DUS2: variants seen among roughly 807,000 people sequenced by gnomAD.
The protein encoded by DUS2 is dihydrouridine synthase 2, also known as tRNA-dihydrouridine(20) synthase [NAD(P)+]-like.
Under a neutral mutation model 71.3 loss-of-function variants are expected in DUS2, and 52 were observed. That is an observed-to-expected ratio of 0.73 (90% CI 0.58 to 0.92). DUS2 has a LOEUF of 0.92. DUS2 is among the 40% of genes least tolerant of loss of function. The pLI is 0.00. For synonymous variants in DUS2, 204 were observed against 227.8 expected (o/e 0.90, Z 0.94); for missense variants, 558 against 622.6 (o/e 0.90, Z 1.10).
chr16:68,047,079 TG>T (rs2033714181), intron 3 of DUS2, among the ~76,000 whole-genome samples: 1 of 106,302 alleles, frequency 9.4e-6, no homozygotes, highest in African/African-American at 3.9e-5. Flanking sequence ...TTTTTTGAGA[TG>T]GAGTCTTACT....
intron 13 of DUS2, 123 bp from the exon 14 acceptor site, chr16:68,075,231 GC>G: frequency 1.1e-6 from 1 of 895,286 alleles, no homozygotes. Flanking sequence ...TGATGGCCAG[GC>G]CCCGGTGGTG....
At chr16:68,070,521 C>G (rs1385129167) in intron 11 of DUS2, among the ~76,000 whole-genome samples, 1 of 152,076 alleles carries the variant, frequency 6.6e-6, no homozygotes, top group Admixed American at 6.5e-5. Flanking sequence ...CTCCTTCCTT[C>G]CTCTTGTCAT....
intron 3 of DUS2, among the ~76,000 whole-genome samples, chr16:68,043,132 G>T (rs930440290): frequency 6.6e-6 from 1 of 152,028 alleles, no homozygotes; most frequent in African/African-American, 2.4e-5. Context: ...GGATTGGCTG[G>T]GCGTGATGGC....
Position 68,073,449 on chromosome 16 carries a change from C to CTTTTT in DUS2, c.811-572_811-568dup, listed in dbSNP as rs1213508148. Among the ~76,000 whole-genome samples, 5 of 111,820 alleles carry CTTTTT rather than the reference C, an allele frequency of 4.5e-5. No homozygotes were observed. In the South Asian group the frequency reaches 1.2e-3, roughly 26 times the overall value. 73.4% of individuals were successfully genotyped at this position (111,820 alleles called of 152,430 possible). A position where few individuals can be genotyped will look rare whatever the true frequency, so the allele number is the denominator to read the frequency against. On this transcript the variant is annotated intron_variant, in intron 12 of 16. Transcript: ENST00000565263. ...AACATGCCTGGCTAATTTTCTTTTT[C>CTTTTT]TTTTTTTTTTTTTTTTTGAGACAGA...
At chr16:68,037,167 GTT>G (rs746737842) in intron 2 of DUS2, among the ~76,000 whole-genome samples, 2 of 136,246 alleles carry the variant, frequency 1.5e-5, no homozygotes, top group East Asian at 2.1e-4. Flanking sequence ...ATTTTTGTCT[GTT>G]TTTTTTTTTT....
rs916767988 is a variant in DUS2, at chr16:68,025,605, C to T, written c.-19+111C>T. ...GCTTGAGTCCTTACAATATGATTAC[C>T]TCAAAATTTCACAGGAGTTAGAGCT... On this transcript the variant is annotated intron_variant, in intron 2 of 16. Transcript: ENST00000565263. The T allele has an allele frequency of 2.6e-5, 4 of 152,102 alleles. No individual in the cohort carries two copies. In the East Asian group the frequency reaches 5.8e-4, roughly 22 times the overall value. The allele number at this position is 152,102 out of a possible 1,614,324, so 9.4% of individuals were successfully genotyped here.
chr16:68,057,597 A>AT (rs1200017759), intron 7 of DUS2, among the ~76,000 whole-genome samples: 1 of 151,762 alleles, frequency 6.6e-6, no homozygotes, highest in Non-Finnish European at 1.5e-5. Flanking sequence ...TAAAAAAAAA[A>AT]GGCCAGGCCT....
chr16:68,031,952 C>A (rs569730852), intron 2 of DUS2, among the ~76,000 whole-genome samples: 34 of 152,314 alleles, frequency 2.2e-4, no homozygotes, highest in African/African-American at 8.2e-4. Flanking sequence ...GCCTTGGCCT[C>A]CCAAAGTGCT....
At chr16:68,030,673 A>G (rs1327973029) in intron 2 of DUS2, among the ~76,000 whole-genome samples, 1 of 152,154 alleles carries the variant, frequency 6.6e-6, no homozygotes, top group Non-Finnish European at 1.5e-5. Flanking sequence ...CATGGCTTGC[A>G]TGTTTTGCAT....
intron 3 of DUS2, among the ~76,000 whole-genome samples, chr16:68,044,523 G>A (rs1398413783): frequency 6.6e-6 from 1 of 151,278 alleles, no homozygotes; most frequent in African/African-American, 2.4e-5. Flanking sequence ...AGCCTCCTGA[G>A]TAGCTGGGAC....
At chr16:68,070,915 C>A (rs1178649961) in intron 11 of DUS2, 25 bp from the exon 12 acceptor site, 1 of 1,613,100 alleles carries the variant, frequency 6.2e-7, no homozygotes, top group Admixed American at 1.7e-5. Flanking sequence ...ATGGGGACAC[C>A]CCTAACCCTC....
rs186871366 is a variant in DUS2, at chr16:68,050,835, G to T, written c.172+1285G>T. On this transcript the variant is annotated intron_variant, in intron 4 of 16. Transcript: ENST00000565263. ...TGATTTTACCAGAGCCTTAACAGGG[G>T]TTCCCAGTATTTTGCTGTTATAAAC... Among the ~76,000 whole-genome samples, 241 of 152,298 alleles carry T rather than the reference G, an allele frequency of 1.6e-3. 2 individuals are homozygous for T. Among genetic ancestry groups the T allele is most frequent in the African/African-American group, 5.1e-3 (212 of 41,568 alleles).
intron 2 of DUS2, 173 bp from the exon 3 acceptor site, chr16:68,037,833 G>A (rs1484242975): frequency 1.7e-6 from 1 of 590,278 alleles, no homozygotes; most frequent in Non-Finnish European, 2.8e-6. Flanking sequence ...CTCCAGCCTG[G>A]GTGACAAAGC....
chr16:68,025,934 G>A (rs918743461), intron 2 of DUS2, among the ~76,000 whole-genome samples: 4 of 152,124 alleles, frequency 2.6e-5, no homozygotes, highest in African/African-American at 9.7e-5. Flanking sequence ...GCCAGGCATT[G>A]GTAGTGAGGA....
At chr16:68,067,365 T>A (rs2034025376) in intron 10 of DUS2, among the ~76,000 whole-genome samples, 1 of 133,640 alleles carries the variant, frequency 7.5e-6, no homozygotes, top group Admixed American at 8.0e-5. Context: ...CACTGCAATC[T>A]CCATCTCCCG....
rs1360104485 is a variant in DUS2 at position 68,049,451 on chromosome 16, A to G, written c.127-54A>G. On this transcript the variant is annotated intron_variant, in intron 3 of 16. Coordinates refer to ENST00000565263, the MANE Select transcript of DUS2 (RefSeq NM_017803.5). ...ATTAGGTGTGTGATGAAAATCCTTC[A>G]TGCCCAGAGCCTACATGTTCAGGAA... The G allele has an allele frequency of 4.4e-6, 7 of 1,592,030 alleles. No individual in the cohort carries two copies. In the East Asian group the frequency reaches 1.1e-4, roughly 25 times the overall value.
At chr16:68,036,999 A>G (rs2151412953) in intron 2 of DUS2, among the ~76,000 whole-genome samples, 1 of 151,988 alleles carries the variant, frequency 6.6e-6, no homozygotes, top group Non-Finnish European at 1.5e-5. Flanking sequence ...TCTCTGCTCT[A>G]GCATTACCAG....
intron 7 of DUS2, among the ~76,000 whole-genome samples, chr16:68,059,484 G>C (rs1019563276): frequency 2.0e-5 from 3 of 152,142 alleles, no homozygotes; most frequent in African/African-American, 2.4e-5. Flanking sequence ...ATGGAGCCAG[G>C]GGGAGTGCTG....
At chr16:68,035,049 G>C (rs1045210115) in intron 2 of DUS2, among the ~76,000 whole-genome samples, 3 of 146,374 alleles carry the variant, frequency 2.0e-5, no homozygotes, top group Non-Finnish European at 4.5e-5. Context: ...TCTTTGGGAC[G>C]TGAGATTCTG....
Sources: allele counts gnomAD v4.1 joint callset (sites outside exome capture counted in the v4.1 genomes callset), GRCh38; gene constraint gnomAD v4.1.1; transcripts MANE v1.5; gene names NCBI Gene and HGNC (gene_info 2026-07-23, HGNC 2026-07-21).